MAML3: variants seen among roughly 807,000 people sequenced by gnomAD.
MAML3 encodes mastermind-like protein 3.
A neutral mutation model predicts 101.9 loss-of-function variants in MAML3; 27 were observed. The observed-to-expected ratio is 0.27, with a 90% CI of 0.20 to 0.37. The LOEUF (loss-of-function observed/expected upper bound fraction) is 0.37. Ranked by LOEUF, MAML3 falls within the 10% of genes least tolerant of loss-of-function variation. The probability of loss-of-function intolerance (pLI) is 1.00; values close to 1 mark genes in which losing one functional copy is unlikely to be tolerated. For synonymous variants in MAML3, 501 were observed against 555.9 expected (o/e 0.90, Z 1.39); for missense variants, 1,316 against 1,444.9 (o/e 0.91, Z 1.45).
chr4:140,046,823 A>G (rs1727190209), intron 1 of MAML3, among the ~76,000 whole-genome samples: 1 of 152,066 alleles, frequency 6.6e-6, no homozygotes, highest in South Asian at 2.1e-4. Context: ...ACTGTACTGA[A>G]GCTGTGTTTG....
chr4:139,756,255 A>G (rs946371712), intron 2 of MAML3, among the ~76,000 whole-genome samples: 6 of 152,204 alleles, frequency 3.9e-5, no homozygotes, highest in African/African-American at 1.2e-4. Flanking sequence ...AATGTTGATG[A>G]TTTTGAAAAA....
chr4:139,964,898 C>T (rs1734096799), intron 1 of MAML3, among the ~76,000 whole-genome samples: 1 of 152,064 alleles, frequency 6.6e-6, no homozygotes, highest in Non-Finnish European at 1.5e-5. Context: ...TTGGTATGTA[C>T]CTTTGGTCAA....
At chr4:139,763,005 C>T (rs1729785669) in intron 2 of MAML3, among the ~76,000 whole-genome samples, 1 of 152,082 alleles carries the variant, frequency 6.6e-6, no homozygotes, top group Admixed American at 6.5e-5. Context: ...TCTATGAAGG[C>T]CTGCAACTGG....
At chr4:140,015,959 A>G (rs1453012534) in intron 1 of MAML3, among the ~76,000 whole-genome samples, 1 of 152,178 alleles carries the variant, frequency 6.6e-6, no homozygotes, top group African/African-American at 2.4e-5. Flanking sequence ...TCTCAAAAAA[A>G]TACATAAAAA....
At chr4:140,071,197 C>A (rs1035864198) in intron 1 of MAML3, among the ~76,000 whole-genome samples, 1 of 152,150 alleles carries the variant, frequency 6.6e-6, no homozygotes, top group African/African-American at 2.4e-5. Flanking sequence ...TGCAGACGAC[C>A]CATGTGTGCA....
chr4:140,116,043 T>G (rs1217865345), intron 1 of MAML3, among the ~76,000 whole-genome samples: 2 of 152,170 alleles, frequency 1.3e-5, no homozygotes, highest in Non-Finnish European at 2.9e-5. Flanking sequence ...ATCCTTTAGT[T>G]GGTAATTTTA....
chr4:139,890,641 G>A lies in MAML3; in HGVS notation c.795C>T (p.Ser265=). 1.9e-6 allele frequency: 3 copies of A among 1,613,908 alleles called. No homozygotes were observed. The highest frequency in any genetic ancestry group is 2.5e-6 in the Non-Finnish European group (3 of 1,179,796). ...GGTCTTTGCTCTGCAAGATGGTGAA[G>A]CTATCCTCCAGGTCACTGCAACCGT... ...PVNGCSDLED[S]FTILQSKDLK... Residue 265 remains serine (S), a synonymous_variant, in exon 2 of 5, where the codon AGC becomes AGT. Coordinates refer to ENST00000509479, the MANE Select transcript of MAML3 (RefSeq NM_018717.5). The surrounding 1 kb of genome is among the most constrained non-coding windows in gnomAD (Gnocchi z 4.1).
intron 3 of MAML3, among the ~76,000 whole-genome samples, chr4:139,729,608 A>T (rs1348580375): frequency 6.6e-6 from 1 of 152,100 alleles, no homozygotes; most frequent in African/African-American, 2.4e-5. Flanking sequence ...CTCTGTGCAG[A>T]CCCTCACAGA....
intron 2 of MAML3, among the ~76,000 whole-genome samples, chr4:139,753,041 T>C (rs1042937335): frequency 1.3e-5 from 2 of 152,230 alleles, no homozygotes; most frequent in African/African-American, 4.8e-5. Flanking sequence ...AAAAGACTTA[T>C]GACCGTCTTG....
intron 1 of MAML3, among the ~76,000 whole-genome samples, chr4:140,026,302 T>C (rs557803433): frequency 6.6e-6 from 1 of 152,172 alleles, no homozygotes; most frequent in African/African-American, 2.4e-5. Context: ...TGGCCCAGGC[T>C]GGAGTGCAGT....
intron 1 of MAML3, among the ~76,000 whole-genome samples, chr4:140,048,856 T>C (rs1019835085): frequency 6.6e-6 from 1 of 152,172 alleles, no homozygotes; most frequent in Non-Finnish European, 1.5e-5. Flanking sequence ...CGGAATACTT[T>C]GCTAATTTTT....
intron 1 of MAML3, among the ~76,000 whole-genome samples, chr4:140,140,319 G>A (rs1456336891): frequency 1.3e-5 from 2 of 151,522 alleles, no homozygotes; most frequent in Non-Finnish European, 1.5e-5. Context: ...GTGAGATTCC[G>A]TCTCAAAAAA....
Position 139,719,535 on chromosome 4 carries a change from G to C in MAML3, c.3205C>G (p.Gln1069Glu). The change falls in exon 5 of 5, where the codon CAG becomes GAG. Residue 1069 changes from glutamine to glutamate, a missense_variant. Physicochemically the swap from Gln to Glu is conservative, Grantham distance 29 (BLOSUM62 2). Coordinates refer to ENST00000509479, the MANE Select transcript of MAML3 (RefSeq NM_018717.5). ...GGAGCAAAGCTGCCACTGGGTATCT[G>C]CTGCTGTGCTGGGGGCTGGCTGAAC... is the stretch of plus-strand genomic sequence containing the variant. ...PAFSQPPAQQ[Q>E]IPSGSFAPSS... 3 of 1,613,914 alleles carry C rather than the reference G, an allele frequency of 1.9e-6. No homozygotes were observed. Among genetic ancestry groups the C allele is most frequent in the Non-Finnish European group, 2.5e-6 (3 of 1,179,818 alleles).
chr4:140,020,878 C>T (rs902887825), intron 1 of MAML3, among the ~76,000 whole-genome samples: 5 of 152,034 alleles, frequency 3.3e-5, no homozygotes, highest in African/African-American at 7.3e-5. Flanking sequence ...GAAATTGGCC[C>T]GTTCTCATAA....
At chr4:139,949,541 A>G (rs866890896) in intron 1 of MAML3, among the ~76,000 whole-genome samples, 18 of 152,386 alleles carry the variant, frequency 1.2e-4, no homozygotes, top group African/African-American at 3.4e-4. Context: ...GGCTTGTAAC[A>G]TAACTTTTAT....
chr4:139,819,351 A>G (rs1172227258), intron 2 of MAML3, among the ~76,000 whole-genome samples: 1 of 152,200 alleles, frequency 6.6e-6, no homozygotes, highest in African/African-American at 2.4e-5. Context: ...ACAGAGAGGA[A>G]GCTGAAAGGT....
chr4:139,720,207 C>T lies in MAML3; in HGVS notation c.2533G>A (p.Gly845Arg), dbSNP rs1728178360. The stretch of plus-strand genomic sequence containing the variant: ...TGCGCAGCTGCGGTGGCCATCGTCC[C>T]AGGGTTCTGGGAGGGTCCTATTCCC... The part of the protein sequence containing the change: ...MMGIGPSQNP[G>R]TMATAAAQSE... Residue 845 changes from glycine (G) to arginine (R), a missense_variant, in exon 5 of 5, where the codon GGG becomes AGG. Gly to Arg is a moderately radical substitution (Grantham distance 125). Transcript: ENST00000509479. 1 of 1,613,832 alleles carries T rather than the reference C, an allele frequency of 6.2e-7. No homozygotes were observed. The highest frequency in any genetic ancestry group is 1.1e-5 in the South Asian group (1 of 91,066).
chr4:140,036,999 T>G (rs571015702), intron 1 of MAML3, among the ~76,000 whole-genome samples: 1 of 152,262 alleles, frequency 6.6e-6, no homozygotes, highest in Non-Finnish European at 1.5e-5. Flanking sequence ...ATCAGACTGA[T>G]ATTGTCACAA....
At chr4:139,778,811 C>T (rs567703166) in intron 2 of MAML3, among the ~76,000 whole-genome samples, 7 of 151,942 alleles carry the variant, frequency 4.6e-5, no homozygotes, top group East Asian at 1.9e-4. Flanking sequence ...GGTGAAACCC[C>T]GTCTCTACTA....
Sources: gnomAD v4.1 joint callset for allele counts (sites outside exome capture counted in the v4.1 genomes callset) on GRCh38, gnomAD v4.1.1 for gene constraint, Gnocchi (gnomAD v3.1) non-coding constraint, MANE v1.5 for transcripts, NCBI Gene and HGNC (gene_info 2026-07-23, HGNC 2026-07-21) for gene names.